EFL1: variants seen among roughly 807,000 people sequenced by gnomAD.
EFL1 encodes elongation factor-like GTPase 1.
Under a neutral mutation model 126.7 loss-of-function variants are expected in EFL1, and 76 were observed. That is an observed-to-expected ratio of 0.60 (90% confidence interval 0.50 to 0.73). EFL1 has a LOEUF of 0.73. Among genes scored for constraint, EFL1 ranks in the 30% least tolerant of loss-of-function variants. EFL1 has a pLI of 0.00. For synonymous variants in EFL1, 410 were observed against 448.4 expected, an observed-to-expected ratio of 0.91 and a Z score of 1.08; for missense variants, 1,128 against 1,343.2, an observed-to-expected ratio of 0.84 and a Z score of 2.50.
intron 8 of EFL1, 95 bp downstream of exon 8, chr15:82,230,748 ATAAAT>A: frequency 1.4e-6 from 2 of 1,418,862 alleles, no homozygotes; most frequent in Non-Finnish European, 1.9e-6. Flanking sequence ...ACTCACCTGC[ATAAAT>A]TAAAGCTGAA....
intron 10 of EFL1, among the ~76,000 whole-genome samples, chr15:82,227,978 G>C (rs916396717): frequency 6.6e-6 from 1 of 152,148 alleles, no homozygotes; most frequent in African/African-American, 2.4e-5. Context: ...TCTTCCTAAA[G>C]AAGTTCACTA....
At chr15:82,217,764 G>A (rs1427616355) in intron 14 of EFL1, among the ~76,000 whole-genome samples, 1 of 152,200 alleles carries the variant, frequency 6.6e-6, no homozygotes, top group Non-Finnish European at 1.5e-5. Flanking sequence ...AGTGGGACCT[G>A]TGACTTGCTT....
At chr15:82,261,416 T>A (rs905540257) in intron 2 of EFL1, among the ~76,000 whole-genome samples, 4 of 152,236 alleles carry the variant, frequency 2.6e-5, no homozygotes, top group East Asian at 3.8e-4. Context: ...ATTTTATATG[T>A]AAAGCCATTT....
At chr15:82,218,498 A>C (rs942749793) in intron 14 of EFL1, among the ~76,000 whole-genome samples, 28 of 152,244 alleles carry the variant, frequency 1.8e-4, no homozygotes, top group Non-Finnish European at 3.4e-4. Context: ...TGTAATGCCA[A>C]ATAAATCAAT....
chr15:82,152,463 C>A, intron 17 of EFL1, 40 bp from the exon 18 acceptor site: 1 of 1,515,372 alleles, frequency 6.6e-7, no homozygotes, highest in South Asian at 1.3e-5. Flanking sequence ...AGGTTAAAAT[C>A]AAAATAGCAT....
chr15:82,155,285 T>G (rs920350345), intron 17 of EFL1, among the ~76,000 whole-genome samples: 5 of 152,084 alleles, frequency 3.3e-5, no homozygotes, highest in African/African-American at 9.7e-5. Flanking sequence ...TTGGATCACT[T>G]GAGGTCAAGA....
At position 82,158,882 on chromosome 15, in the gene EFL1, C is replaced by A. The variant is rs180909613; in HGVS notation, c.1883-1022G>T. On this transcript the variant is annotated intron_variant, in intron 16 of 19. Coordinates refer to ENST00000268206, the MANE Select transcript of EFL1 (RefSeq NM_024580.6). ...ACGATGAGGCGGTATGATGATTGTT[C>A]TCATTTTATAGATGAGGAAACAGGT... Among the ~76,000 whole-genome samples the A allele has an allele frequency of 6.6e-3, 1,002 of 152,294 alleles. 10 individuals are homozygous for A. The highest frequency in any genetic ancestry group is 0.023 in the African/African-American group (937 of 41,562).
chr15:82,180,376 A>G (rs1253919850), intron 15 of EFL1, among the ~76,000 whole-genome samples: 1 of 147,324 alleles, frequency 6.8e-6, no homozygotes, highest in Non-Finnish European at 1.5e-5. Flanking sequence ...AAAAAAACAA[A>G]AAAAAAACAA....
chr15:82,151,174 CAGG>C (rs2073902346), intron 18 of EFL1, among the ~76,000 whole-genome samples: 1 of 152,154 alleles, frequency 6.6e-6, no homozygotes, highest in Non-Finnish European at 1.5e-5. Flanking sequence ...CACTTGAACT[CAGG>C]AGTTCGAGAC....
Position 82,262,632 on chromosome 15 carries a change from C to T in EFL1, c.-38G>A, listed in dbSNP as rs2075139345. Reference sequence around the variant, plus strand: ...CACTCACCGGCTGCAGCAGCCCCACCAGCCCCGCTCCTTCTCTCGGGTCGC... The same window carrying T: ...CACTCACCGGCTGCAGCAGCCCCACTAGCCCCGCTCCTTCTCTCGGGTCGC... On this transcript the variant is annotated 5_prime_UTR_variant, in exon 1 of 20. Coordinates refer to ENST00000268206, the MANE Select transcript of EFL1 (RefSeq NM_024580.6). The T allele has an allele frequency of 4.4e-6, 2 of 450,458 alleles. No individual in the cohort carries two copies. 27.9% of individuals were successfully genotyped at this position (450,458 alleles called of 1,614,324 possible). A position where few individuals can be genotyped will look rare whatever the true frequency, so the allele number is the denominator to read the frequency against.
chr15:82,186,084 G>C (rs1164604687), intron 15 of EFL1, among the ~76,000 whole-genome samples: 4 of 151,326 alleles, frequency 2.6e-5, no homozygotes, highest in Non-Finnish European at 5.9e-5. Context: ...TTTTTTGTAA[G>C]GGGGGACTTG....
At chr15:82,185,586 T>C (rs958173828) in intron 15 of EFL1, among the ~76,000 whole-genome samples, 4 of 152,106 alleles carry the variant, frequency 2.6e-5, no homozygotes, top group Non-Finnish European at 2.9e-5. Context: ...CACAGATGAA[T>C]AGCTTCCTAT....
chr15:82,161,725 C>T (rs1299827860), intron 16 of EFL1, among the ~76,000 whole-genome samples: 1 of 152,160 alleles, frequency 6.6e-6, no homozygotes, highest in African/African-American at 2.4e-5. Context: ...ACACTTTGGC[C>T]TACAAATTGA....
At chr15:82,230,788 T>A (rs1178369350) in intron 8 of EFL1, 60 bp downstream of exon 8, 1 of 1,538,416 alleles carries the variant, frequency 6.5e-7, no homozygotes, top group Non-Finnish European at 8.7e-7. Context: ...GATATTACAG[T>A]ATAGGTTTTC....
At chr15:82,172,295 C>T (rs895238897) in intron 15 of EFL1, among the ~76,000 whole-genome samples, 8 of 152,156 alleles carry the variant, frequency 5.3e-5, no homozygotes, top group African/African-American at 1.2e-4. Context: ...GATTAGACTG[C>T]GCAACTCACC....
At chr15:82,253,942 C>T (rs1021704855) in intron 3 of EFL1, among the ~76,000 whole-genome samples, 1 of 152,214 alleles carries the variant, frequency 6.6e-6, no homozygotes, top group African/African-American at 2.4e-5. Context: ...TTCCTCCATT[C>T]TCTCCACTGT....
chr15:82,210,862 C>CA (rs76409669), intron 15 of EFL1, among the ~76,000 whole-genome samples: 351 of 109,228 alleles, frequency 3.2e-3, no homozygotes, highest in Admixed American at 8.2e-3. Context: ...AACTCCATTA[C>CA]AAAAAAAAAA....
intron 15 of EFL1, among the ~76,000 whole-genome samples, chr15:82,209,685 G>A (rs1305927041): frequency 6.6e-6 from 1 of 152,124 alleles, no homozygotes; most frequent in African/African-American, 2.4e-5. Context: ...GGTCTCTCTG[G>A]TCCCATCTAT....
At chr15:82,147,627 GAAAAAAAA>G (rs375857086) in intron 18 of EFL1, among the ~76,000 whole-genome samples, 1 of 83,950 alleles carries the variant, frequency 1.2e-5, no homozygotes, top group Admixed American at 1.5e-4. Flanking sequence ...GGGCAATAGT[GAAAAAAAA>G]AAAAAAAAAA....
Sources: allele counts gnomAD v4.1 joint callset (sites outside exome capture counted in the v4.1 genomes callset), GRCh38; gene constraint gnomAD v4.1.1; transcripts MANE v1.5; gene names NCBI Gene and HGNC (gene_info 2026-07-23, HGNC 2026-07-21).